Variants in UGT2A3 observed in about 807,000 individuals in gnomAD.
UGT2A3 encodes UDP glucuronosyltransferase family 2 member A3.
In UGT2A3, 55 loss-of-function variants were observed where a neutral mutation model predicts 44.1. The ratio of observed to expected loss-of-function variants is 1.25; its 90% CI spans 1.00 to 1.56. The LOEUF (loss-of-function observed/expected upper bound fraction) is 1.56, where lower values mean the gene tolerates loss of function less well. UGT2A3 is among the 40% of genes most tolerant of loss of function. The pLI is 0.00. For synonymous variants in UGT2A3, 243 were observed against 215.1 expected (o/e 1.13, Z -1.13); for missense variants, 733 against 621.6 (o/e 1.18, Z -1.91).
intron 2 of UGT2A3, 139 bp from the exon 3 acceptor site, chr4:68,932,898 A>T: frequency 2.4e-6 from 2 of 816,686 alleles, no homozygotes; most frequent in South Asian, 4.0e-5. Flanking sequence ...TGACACACAG[A>T]ACTATCTAGT....
intron 2 of UGT2A3, among the ~76,000 whole-genome samples, chr4:68,934,642 C>T (rs1717866201): frequency 6.6e-6 from 1 of 151,846 alleles, no homozygotes; most frequent in African/African-American, 2.4e-5. Flanking sequence ...GAGACAGAGG[C>T]TGAAGAATCA....
chr4:68,949,092 G>A (rs114625911), intron 1 of UGT2A3, among the ~76,000 whole-genome samples: 17,984 of 151,634 alleles, frequency 0.12, 1,564 homozygotes, highest in Admixed American at 0.24. Context: ...ATTTCCCCAG[G>A]GAGAGCATTA....
intron 2 of UGT2A3, among the ~76,000 whole-genome samples, chr4:68,933,601 A>G (rs1369490153): frequency 6.6e-6 from 1 of 152,042 alleles, no homozygotes; most frequent in Non-Finnish European, 1.5e-5. Flanking sequence ...CCAGCACTAC[A>G]GTAGTACAGG....
rs1038515310 is a variant in UGT2A3 at position 68,949,969 on chromosome 4, A to G, written c.715+1077T>C. The stretch of plus-strand genomic sequence containing the variant: ...AGAACCCACTTTTGTTTATTGGAAA[A>G]TGCTCTTTCACCCCTTTGATAACAC... On this transcript the variant is annotated intron_variant, in intron 1 of 5. Coordinates refer to ENST00000251566, the MANE Select transcript of UGT2A3 (RefSeq NM_024743.4). Among the ~76,000 whole-genome samples, 4 of 152,040 alleles carry G rather than the reference A, an allele frequency of 2.6e-5. No individual in the cohort carries two copies. In the East Asian group the frequency reaches 7.8e-4, roughly 30 times the overall value.
chr4:68,940,157 A>G (rs1718131902), intron 2 of UGT2A3, among the ~76,000 whole-genome samples: 1 of 152,172 alleles, frequency 6.6e-6, no homozygotes, highest in African/African-American at 2.4e-5. Context: ...TCAAGGATCT[A>G]GAACTAGAAA....
intron 2 of UGT2A3, among the ~76,000 whole-genome samples, chr4:68,939,349 A>T (rs998621980): frequency 2.0e-5 from 3 of 152,140 alleles, no homozygotes; most frequent in African/African-American, 7.2e-5. Flanking sequence ...ATCAAAACAG[A>T]TATACAGACC....
At chr4:68,933,099 G>A (rs947279015) in intron 2 of UGT2A3, among the ~76,000 whole-genome samples, 4 of 151,940 alleles carry the variant, frequency 2.6e-5, no homozygotes, top group Admixed American at 2.0e-4. Context: ...TATTATTTGA[G>A]GACTGACATC....
At chr4:68,932,494 A>C (rs1045514687) in intron 3 of UGT2A3, 134 bp downstream of exon 3, 12 of 859,660 alleles carry the variant, frequency 1.4e-5, no homozygotes, top group African/African-American at 5.1e-5. Context: ...AGTTATGCCC[A>C]TGTACACTAC....
chr4:68,933,491 G>T (rs1717817813), intron 2 of UGT2A3, among the ~76,000 whole-genome samples: 1 of 152,010 alleles, frequency 6.6e-6, no homozygotes, highest in South Asian at 2.1e-4. Context: ...GAGTTGAATT[G>T]GAAGCAAAGA....
chr4:68,950,698 A>T (rs192805193), intron 1 of UGT2A3, among the ~76,000 whole-genome samples: 208 of 152,018 alleles, frequency 1.4e-3, no homozygotes, highest in African/African-American at 4.7e-3. Flanking sequence ...TCTTAAATAC[A>T]TGATGAGAGA....
At chr4:68,935,188 A>G (rs1031184919) in intron 2 of UGT2A3, among the ~76,000 whole-genome samples, 1 of 150,192 alleles carries the variant, frequency 6.7e-6, no homozygotes, top group African/African-American at 2.4e-5. Flanking sequence ...AAAAAGTCAA[A>G]AAGGCAAAAA....
At chr4:68,930,522 G>A in intron 5 of UGT2A3, 24 bp downstream of exon 5, 1 of 1,570,430 alleles carries the variant, frequency 6.4e-7, no homozygotes, top group Non-Finnish European at 8.7e-7. Context: ...TGTTAGATCA[G>A]TCTGTACAAG....
At chr4:68,930,200 T>C (rs1159976335) in intron 5 of UGT2A3, 108 bp from the exon 6 acceptor site, 4 of 1,247,776 alleles carry the variant, frequency 3.2e-6, no homozygotes, top group Non-Finnish European at 4.4e-6. Context: ...ACATGTTCAG[T>C]AAAAGATTGA....
chr4:68,937,139 G>A (rs748954355), intron 2 of UGT2A3, among the ~76,000 whole-genome samples: 85 of 151,984 alleles, frequency 5.6e-4, no homozygotes, highest in African/African-American at 1.6e-3. Flanking sequence ...CCCCACTGTT[G>A]TTATTAGAAA....
chr4:68,950,611 G>T (rs913346643), intron 1 of UGT2A3, among the ~76,000 whole-genome samples: 2 of 151,664 alleles, frequency 1.3e-5, no homozygotes, highest in Non-Finnish European at 2.9e-5. Flanking sequence ...AATCACCTAA[G>T]AAATTAAAGA....
At chr4:68,945,494 C>T (rs1418829280) in intron 1 of UGT2A3, 40 bp from the exon 2 acceptor site, 3 of 1,499,324 alleles carry the variant, frequency 2.0e-6, no homozygotes, top group Middle Eastern at 1.8e-4. Context: ...GCATACAATT[C>T]AAATAAAAAA....
In UGT2A3 at chr4:68,951,794, G is replaced by A. The variant is rs757368011; in HGVS notation, c.-34C>T. 2 of 1,470,348 alleles carry A rather than the reference G, an allele frequency of 1.4e-6. No homozygotes were observed. The highest frequency in any genetic ancestry group is 1.8e-4 in the Middle Eastern group (1 of 5,544). The allele number at this position is 1,470,348 out of a possible 1,614,324, so 91.1% of individuals were successfully genotyped here. On this transcript the variant is annotated 5_prime_UTR_variant, in exon 1 of 6. Transcript: ENST00000251566. Reference sequence around the variant, plus strand: ...TTCCCTCACACACTGATCTGCAATGGTTTTGTAGTTACTAAGCAAGGAGTT... The same window carrying A: ...TTCCCTCACACACTGATCTGCAATGATTTTGTAGTTACTAAGCAAGGAGTT...
At chr4:68,932,456 A>G (rs1462251046) in intron 3 of UGT2A3, among the ~76,000 whole-genome samples, 172 bp downstream of exon 3, 1 of 152,004 alleles carries the variant, frequency 6.6e-6, no homozygotes, top group Non-Finnish European at 1.5e-5. Context: ...TGTTTCCAGT[A>G]ACAGCAAGAC....
chr4:68,949,698 C>T (rs755384532), intron 1 of UGT2A3, among the ~76,000 whole-genome samples: 6 of 151,904 alleles, frequency 3.9e-5, no homozygotes, highest in Non-Finnish European at 7.4e-5. Context: ...ATGAAATACA[C>T]CTGTGCGTAA....
Sources: gnomAD v4.1 joint callset for allele counts (sites outside exome capture counted in the v4.1 genomes callset) on GRCh38, gnomAD v4.1.1 for gene constraint, MANE v1.5 for transcripts, NCBI Gene and HGNC (gene_info 2026-07-23, HGNC 2026-07-21) for gene names.